MGRN1: variants seen among roughly 807,000 people sequenced by gnomAD.
MGRN1 encodes the protein mahogunin ring finger 1.
MGRN1 carries 29 observed loss-of-function variants against 69.2 expected under a neutral mutation model. The observed-to-expected ratio is 0.42, with a 90% confidence interval of 0.31 to 0.57. MGRN1 has a LOEUF of 0.57. Among genes scored for constraint, MGRN1 ranks in the 20% least tolerant of loss-of-function variants. MGRN1 has a pLI of 0.15. For synonymous variants in MGRN1, 470 were observed against 344.2 expected (o/e 1.37, Z -4.04); for missense variants, 998 against 796.2 (o/e 1.25, Z -3.05).
intron 1 of MGRN1, among the ~76,000 whole-genome samples, chr16:4,647,773 C>G (rs920304049): frequency 6.6e-6 from 1 of 152,136 alleles, no homozygotes; most frequent in Non-Finnish European, 1.5e-5. Flanking sequence ...AAGCAGTTGC[C>G]GCTTTCTTCT....
chr16:4,664,853 C>T, intron 6 of MGRN1, 78 bp downstream of exon 6: 3 of 1,562,804 alleles, frequency 1.9e-6, no homozygotes, highest in Admixed American at 3.3e-5. Flanking sequence ...GGAGTGCTTG[C>T]AGCAGTGATG....
chr16:4,625,078 T>G, intron 1 of MGRN1, 30 bp downstream of exon 1: 1 of 1,506,984 alleles, frequency 6.6e-7, no homozygotes, highest in Non-Finnish European at 8.9e-7. Context: ...CGCGGACTGC[T>G]AGGCACGCGC....
chr16:4,629,528 A>G (rs1456997605), intron 1 of MGRN1, among the ~76,000 whole-genome samples: 2 of 151,350 alleles, frequency 1.3e-5, no homozygotes, highest in African/African-American at 2.4e-5. Context: ...ATCATGAGGT[A>G]AAGAGATTGA....
At chr16:4,631,211 G>T (rs187183279) in intron 1 of MGRN1, among the ~76,000 whole-genome samples, 1 of 152,306 alleles carries the variant, frequency 6.6e-6, no homozygotes, top group Admixed American at 6.5e-5. Context: ...ATCATTTGTT[G>T]TAGAGACTAT....
chr16:4,666,667 CAT>C (rs2078812418), intron 7 of MGRN1, among the ~76,000 whole-genome samples: 1 of 152,226 alleles, frequency 6.6e-6, no homozygotes, highest in African/African-American at 2.4e-5. Flanking sequence ...TCACCTGGCA[CAT>C]GTCACAGACC....
In MGRN1 at chr16:4,688,955, T is replaced by C. The variant is rs2079399174; in HGVS notation, c.*47T>C. The C allele has an allele frequency of 8.6e-6, 13 of 1,506,270 alleles. No individual in the cohort carries two copies. Among genetic ancestry groups the C allele is most frequent in the South Asian group, 1.2e-5 (1 of 81,096 alleles). 93.3% of individuals were successfully genotyped at this position (1,506,270 alleles called of 1,614,324 possible). A position where few individuals can be genotyped will look rare whatever the true frequency, so the allele number is the denominator to read the frequency against. On this transcript the variant is annotated 3_prime_UTR_variant, in exon 17 of 17. Transcript: ENST00000262370. ...ATGGAGCCCTCGGCTCCCCAGACTTTGCCGAGGGGCTGCTCCGGACCCCGT... is the reference window on the plus strand; with the variant it reads ...ATGGAGCCCTCGGCTCCCCAGACTTCGCCGAGGGGCTGCTCCGGACCCCGT...
At chr16:4,681,810 T>C (rs750860739) in intron 13 of MGRN1, 34 bp downstream of exon 13, 3 of 1,592,250 alleles carry the variant, frequency 1.9e-6, no homozygotes, top group African/African-American at 1.3e-5. Context: ...CATGGCAGGG[T>C]GTGTGGTGGC....
intron 11 of MGRN1, among the ~76,000 whole-genome samples, chr16:4,679,056 G>A (rs1402969231): frequency 6.6e-6 from 1 of 152,220 alleles, no homozygotes; most frequent in Non-Finnish European, 1.5e-5. Flanking sequence ...GTCAACCCAG[G>A]CCCTCTAGGC....
At chr16:4,687,752 G>A in intron 16 of MGRN1, 1 of 985,478 alleles carries the variant, frequency 1.0e-6, no homozygotes, top group Non-Finnish European at 1.2e-6. Context: ...GCTGGGAGGT[G>A]CCTGGCCGGG....
intron 4 of MGRN1, among the ~76,000 whole-genome samples, chr16:4,655,262 G>C (rs1206903363): frequency 6.6e-6 from 1 of 152,132 alleles, no homozygotes. Flanking sequence ...GCTGTCAGGG[G>C]CTGGGTGACC....
intron 5 of MGRN1, among the ~76,000 whole-genome samples, chr16:4,660,485 AG>A (rs2078652060): frequency 6.6e-6 from 1 of 152,164 alleles, no homozygotes; most frequent in African/African-American, 2.4e-5. Flanking sequence ...CAGTGTGATG[AG>A]AAAAAAAATC....
chr16:4,672,193 C>T (rs773876694), intron 9 of MGRN1, among the ~76,000 whole-genome samples: 34 of 152,224 alleles, frequency 2.2e-4, no homozygotes, highest in African/African-American at 6.3e-4. Flanking sequence ...CGTGAACCAC[C>T]GCGCCCAGCC....
intron 16 of MGRN1, chr16:4,688,573 T>G: frequency 1.0e-5 from 13 of 1,290,132 alleles, no homozygotes; most frequent in Non-Finnish European, 1.3e-5. Context: ...TGTCCGGGGA[T>G]CTGGGATCGT....
In MGRN1 at chr16:4,669,822, G is replaced by A. The variant is rs112605811; in HGVS notation, c.726+1510G>A. On this transcript the variant is annotated intron_variant, in intron 8 of 16. Coordinates refer to ENST00000262370, the MANE Select transcript of MGRN1 (RefSeq NM_015246.4). ...AGTACATCTGTTCTCTGGGGTCAGC[G>A]ATCCTGGGATGCTGCATTGGGAAGT... is the stretch of plus-strand genomic sequence containing the variant. Among the ~76,000 whole-genome samples, 829 of 152,230 alleles carry A rather than the reference G, an allele frequency of 5.4e-3. 11 individuals are homozygous for A. Among genetic ancestry groups the A allele is most frequent in the African/African-American group, 0.018 (755 of 41,538 alleles).
chr16:4,625,480 C>G (rs867364597), intron 1 of MGRN1, among the ~76,000 whole-genome samples: 1 of 152,174 alleles, frequency 6.6e-6, no homozygotes, highest in Non-Finnish European at 1.5e-5. Context: ...GTGTGAAGGC[C>G]GAGCCAGTGG....
intron 8 of MGRN1, 103 bp from the exon 9 acceptor site, chr16:4,671,288 A>G (rs762029383): frequency 5.3e-6 from 6 of 1,123,102 alleles, no homozygotes; most frequent in African/African-American, 1.5e-5. Flanking sequence ...GACCCCTGGT[A>G]TGGAAGCCTG....
chr16:4,635,365 C>G (rs962060521), intron 1 of MGRN1, among the ~76,000 whole-genome samples: 1 of 152,076 alleles, frequency 6.6e-6, no homozygotes, highest in African/African-American at 2.4e-5. Context: ...CACAGTGAGC[C>G]AAGATTGCGC....
chr16:4,666,474 C>A (rs1009874287), intron 7 of MGRN1, among the ~76,000 whole-genome samples: 1 of 152,176 alleles, frequency 6.6e-6, no homozygotes, highest in East Asian at 1.9e-4. Flanking sequence ...TGAGGGAGAA[C>A]ATTGTAGACT....
chr16:4,647,593 C>T (rs1297897446), intron 1 of MGRN1, among the ~76,000 whole-genome samples: 1 of 152,252 alleles, frequency 6.6e-6, no homozygotes, highest in Non-Finnish European at 1.5e-5. Context: ...ATTTGTGTTG[C>T]GCACATCTCA....
Sources: gnomAD v4.1 joint callset for allele counts (sites outside exome capture counted in the v4.1 genomes callset) on GRCh38, gnomAD v4.1.1 for gene constraint, MANE v1.5 for transcripts, NCBI Gene and HGNC (gene_info 2026-07-23, HGNC 2026-07-21) for gene names.